EPS8: variants seen among roughly 807,000 people sequenced by gnomAD.
The protein encoded by EPS8 is epidermal growth factor receptor kinase substrate 8.
EPS8 carries 42 observed loss-of-function variants against 103.8 expected under a neutral mutation model. That is an observed-to-expected ratio of 0.40 (90% confidence interval 0.32 to 0.52). The LOEUF is 0.52. Among genes scored for constraint, EPS8 ranks in the 20% least tolerant of loss-of-function variants. The probability of loss-of-function intolerance (pLI) is 0.40; values close to 1 mark genes in which losing one functional copy is unlikely to be tolerated. For missense variants in EPS8, 969 were observed against 1,005.1 expected (o/e 0.96, Z 0.49); for synonymous variants, 344 against 344.6 (o/e 1.00, Z 0.02).
At chr12:15,671,253 A>T (rs565951374) in intron 3 of EPS8, among the ~76,000 whole-genome samples, 25 of 152,270 alleles carry the variant, frequency 1.6e-4, no homozygotes, top group African/African-American at 6.0e-4. Flanking sequence ...TGACAAGTCA[A>T]TTACAACTGG....
intron 1 of EPS8, among the ~76,000 whole-genome samples, chr12:15,741,981 G>A (rs1382127972): frequency 1.3e-5 from 2 of 152,122 alleles, no homozygotes; most frequent in East Asian, 3.9e-4. Flanking sequence ...TTCTGTCCTT[G>A]CGATAGTTTG....
chr12:15,766,094 G>A (rs964677550), intron 1 of EPS8, among the ~76,000 whole-genome samples: 9 of 151,614 alleles, frequency 5.9e-5, no homozygotes, highest in African/African-American at 1.5e-4. Context: ...GATTATAGGC[G>A]TGAGCCACCT....
At chr12:15,718,889 T>C (rs1946562481) in intron 1 of EPS8, among the ~76,000 whole-genome samples, 1 of 152,184 alleles carries the variant, frequency 6.6e-6, no homozygotes, top group Non-Finnish European at 1.5e-5. Flanking sequence ...AAAAAGGCAT[T>C]TCTTACAGAA....
intron 1 of EPS8, among the ~76,000 whole-genome samples, chr12:15,718,726 T>C (rs1017575605): frequency 1.3e-4 from 20 of 152,180 alleles, no homozygotes; most frequent in African/African-American, 4.3e-4. Flanking sequence ...AAGAATTGTC[T>C]AGAAGGTCCT....
At chr12:15,621,554 C>T (rs567515216) in intron 20 of EPS8, 124 bp from the exon 21 acceptor site, 1 of 586,802 alleles carries the variant, frequency 1.7e-6, no homozygotes, top group African/African-American at 2.0e-5. Context: ...GGAAAGCTAA[C>T]AGCTCTACTT....
Position 15,647,109 on chromosome 12 carries a change from G to T in EPS8, c.1568+18C>A, listed in dbSNP as rs1489870207. 1 of 1,608,816 alleles carries T rather than the reference G, an allele frequency of 6.2e-7. No homozygotes were observed. The highest frequency in any genetic ancestry group is 2.2e-5 in the East Asian group (1 of 44,814). On this transcript the variant is annotated intron_variant, in intron 15 of 20. Transcript: ENST00000281172. ...ACATTTATCCACAGCTCTCCAAAGG[G>T]TGCCCATTAAATGTTACCTATCTAT...
intron 12 of EPS8, among the ~76,000 whole-genome samples, chr12:15,657,498 C>T (rs1018858006): frequency 6.6e-6 from 1 of 152,178 alleles, no homozygotes; most frequent in African/African-American, 2.4e-5. Context: ...GGCTACCCCA[C>T]TATGTTACAA....
chr12:15,661,049 T>C (rs1341414428), intron 9 of EPS8, among the ~76,000 whole-genome samples: 2 of 152,304 alleles, frequency 1.3e-5, no homozygotes, highest in Admixed American at 6.5e-5. Context: ...AGGAGGAAAA[T>C]TCTAAAATAG....
intron 15 of EPS8, among the ~76,000 whole-genome samples, chr12:15,645,113 G>T (rs1010839544): frequency 2.0e-5 from 3 of 151,498 alleles, no homozygotes; most frequent in South Asian, 2.1e-4. Context: ...TTTATCAAAG[G>T]TTACAAAAAG....
rs1467737574 is a variant in EPS8, at chr12:15,777,023, T to C, written c.-22+12138A>G. On this transcript the variant is annotated intron_variant, in intron 1 of 20. Coordinates refer to ENST00000281172, the MANE Select transcript of EPS8 (RefSeq NM_004447.6). The surrounding 1 kb of genome is among the most constrained non-coding windows in gnomAD (Gnocchi z 4.7). Reference sequence around the variant, plus strand: ...TGTAGTCCAATGAGAGCTGATAAAATCATTCTTCAACTATTCTACTAACTG... The same window carrying C: ...TGTAGTCCAATGAGAGCTGATAAAACCATTCTTCAACTATTCTACTAACTG... Among the ~76,000 whole-genome samples, 1 of 152,158 alleles carries C rather than the reference T, an allele frequency of 6.6e-6. No homozygotes were observed. The highest frequency in any genetic ancestry group is 1.5e-5 in the Non-Finnish European group (1 of 68,024).
chr12:15,656,638 C>A (rs1945512431), intron 12 of EPS8, among the ~76,000 whole-genome samples: 1 of 152,138 alleles, frequency 6.6e-6, no homozygotes, highest in Non-Finnish European at 1.5e-5. Context: ...ATTCTCCTAA[C>A]ATCGAATGCC....
At chr12:15,724,324 T>A (rs997623879) in intron 1 of EPS8, among the ~76,000 whole-genome samples, 1 of 152,226 alleles carries the variant, frequency 6.6e-6, no homozygotes, top group Non-Finnish European at 1.5e-5. Flanking sequence ...TCAAATCATA[T>A]AAACTAATTC....
At chr12:15,740,317 C>T (rs1490808286) in intron 1 of EPS8, among the ~76,000 whole-genome samples, 3 of 152,032 alleles carry the variant, frequency 2.0e-5, no homozygotes, top group African/African-American at 7.2e-5. Context: ...GAGGCTGAGG[C>T]TGGCAGATCA....
intron 17 of EPS8, chr12:15,634,748 C>T (rs1388184130): frequency 5.0e-6 from 2 of 398,688 alleles, no homozygotes; most frequent in African/African-American, 2.1e-5. Context: ...CCTCTGACAG[C>T]TCGCCAAGTA....
intron 13 of EPS8, among the ~76,000 whole-genome samples, chr12:15,651,855 T>C (rs1945420677): frequency 6.6e-6 from 1 of 152,316 alleles, no homozygotes; most frequent in East Asian, 1.9e-4. Flanking sequence ...CATTTCCTAA[T>C]ACTCTTAACA....
At chr12:15,730,106 C>T (rs764651522) in intron 1 of EPS8, among the ~76,000 whole-genome samples, 1 of 152,126 alleles carries the variant, frequency 6.6e-6, no homozygotes, top group African/African-American at 2.4e-5. Flanking sequence ...TATCAACTCC[C>T]ATCTCTATAA....
At chr12:15,687,160 A>T (rs1343275204) in intron 1 of EPS8, among the ~76,000 whole-genome samples, 1 of 152,040 alleles carries the variant, frequency 6.6e-6, no homozygotes, top group East Asian at 1.9e-4. Flanking sequence ...ATCATCACAC[A>T]TTTTGTCTCC....
rs1022866222 is a variant in EPS8, at chr12:15,765,365, C to T, written c.-22+23796G>A. On this transcript the variant is annotated intron_variant, in intron 1 of 20. Coordinates refer to ENST00000281172, the MANE Select transcript of EPS8 (RefSeq NM_004447.6). ...GCACAATTCCATACTTGTATTTCTACCCATATCAACTGGTGACTTTTACAT... is the reference window on the plus strand; with the variant it reads ...GCACAATTCCATACTTGTATTTCTATCCATATCAACTGGTGACTTTTACAT... Among the ~76,000 whole-genome samples the T allele has an allele frequency of 3.9e-5, 6 of 152,158 alleles. No homozygotes were observed. In the East Asian group the frequency reaches 1.2e-3, roughly 29 times the overall value.
At chr12:15,768,468 C>T (rs1377020107) in intron 1 of EPS8, among the ~76,000 whole-genome samples, 1 of 141,798 alleles carries the variant, frequency 7.1e-6, no homozygotes, top group Non-Finnish European at 1.5e-5. Context: ...ATTTTAAGAG[C>T]AGAGGTAGTG....
Sources: gnomAD v4.1 joint callset for allele counts (sites outside exome capture counted in the v4.1 genomes callset) on GRCh38, gnomAD v4.1.1 for gene constraint, Gnocchi (gnomAD v3.1) non-coding constraint, MANE v1.5 for transcripts, NCBI Gene and HGNC (gene_info 2026-07-23, HGNC 2026-07-21) for gene names.